The following GSG1L variants were observed in gnomAD, a reference collection of about 807,000 sequenced individuals.
The protein encoded by GSG1L is germ cell-specific gene 1-like protein.
GSG1L carries 24 observed loss-of-function variants against 42.1 expected under a neutral mutation model. That is an observed-to-expected ratio of 0.57 (90% CI 0.41 to 0.80). GSG1L has a LOEUF of 0.80. Ranked by LOEUF, GSG1L falls within the 30% of genes least tolerant of loss-of-function variation. The probability of loss-of-function intolerance (pLI) is 0.00; values close to 1 mark genes in which losing one functional copy is unlikely to be tolerated. For synonymous variants in GSG1L, 215 were observed against 203.5 expected (o/e 1.06, Z -0.48); for missense variants, 445 against 472.2 (o/e 0.94, Z 0.53).
At chr16:27,937,649 T>C (rs2084733817) in intron 2 of GSG1L, among the ~76,000 whole-genome samples, 1 of 152,330 alleles carries the variant, frequency 6.6e-6, no homozygotes, top group South Asian at 2.1e-4. Context: ...GGGCGATGAC[T>C]GGGGAGCACT....
In GSG1L at chr16:27,925,397, GA is replaced by G. The variant is rs150220514; in HGVS notation, c.397+37758del. Among the ~76,000 whole-genome samples the G allele has an allele frequency of 8.1e-3, 1,231 of 152,288 alleles. 25 individuals carry two copies. Among genetic ancestry groups the G allele is most frequent in the African/African-American group, 0.028 (1,179 of 41,542 alleles). ...GGCTGTGGTGTCAGGTGGTGGGAGG[GA>G]GGAGGGGTGGAAGGCGAGGCTAGGT... On this transcript the variant is annotated intron_variant, in intron 2 of 6. Coordinates refer to ENST00000447459, the MANE Select transcript of GSG1L (RefSeq NM_001109763.2).
chr16:28,039,619 G>T (rs1461548793), intron 1 of GSG1L, among the ~76,000 whole-genome samples: 1 of 142,714 alleles, frequency 7.0e-6, no homozygotes, highest in Admixed American at 7.1e-5. Context: ...ACACACACAA[G>T]CAGACATGTA....
intron 2 of GSG1L, among the ~76,000 whole-genome samples, chr16:27,911,787 C>T (rs1027883492): frequency 6.6e-6 from 1 of 152,296 alleles, no homozygotes; most frequent in Middle Eastern, 3.4e-3. Flanking sequence ...AATGTAAACG[C>T]TCTCTCACTC....
At chr16:27,844,242 T>C (rs1337176765) in intron 4 of GSG1L, among the ~76,000 whole-genome samples, 1 of 152,202 alleles carries the variant, frequency 6.6e-6, no homozygotes, top group East Asian at 1.9e-4. Flanking sequence ...GAACACCCCT[T>C]GTTCACTTAC....
At chr16:27,832,214 T>C (rs558687974) in intron 4 of GSG1L, among the ~76,000 whole-genome samples, 2 of 152,220 alleles carry the variant, frequency 1.3e-5, no homozygotes, top group African/African-American at 2.4e-5. Flanking sequence ...AGAAATGATA[T>C]AGAGAGAGAA....
At chr16:27,889,888 C>G (rs1055375200) in intron 2 of GSG1L, among the ~76,000 whole-genome samples, 1 of 152,144 alleles carries the variant, frequency 6.6e-6, no homozygotes, top group Non-Finnish European at 1.5e-5. Context: ...ATTATATCCC[C>G]GAATCTTCCT....
intron 4 of GSG1L, among the ~76,000 whole-genome samples, chr16:27,835,662 G>A (rs1429610517): frequency 1.3e-5 from 2 of 151,740 alleles, no homozygotes; most frequent in Non-Finnish European, 2.9e-5. Context: ...TATTTTGAGG[G>A]TATCTCTGTA....
intron 1 of GSG1L, among the ~76,000 whole-genome samples, chr16:27,996,498 T>A (rs1256043621): frequency 8.8e-6 from 1 of 113,642 alleles, no homozygotes; most frequent in Non-Finnish European, 1.9e-5. Context: ...CCCATTAAAA[T>A]GAACAAGGCT....
chr16:27,870,310 C>T (rs1158748674), intron 3 of GSG1L, among the ~76,000 whole-genome samples: 1 of 145,488 alleles, frequency 6.9e-6, no homozygotes, highest in Admixed American at 6.8e-5. Context: ...TCTCTCTCTC[C>T]TCTCTCTCTG....
At chr16:27,826,397 C>T (rs1025498201) in intron 5 of GSG1L, among the ~76,000 whole-genome samples, 1 of 152,214 alleles carries the variant, frequency 6.6e-6, no homozygotes, top group Non-Finnish European at 1.5e-5. Context: ...TCCTCGTCCT[C>T]GTCCTCTGCT....
intron 1 of GSG1L, among the ~76,000 whole-genome samples, chr16:27,987,717 G>A (rs1160337351): frequency 3.3e-5 from 5 of 152,170 alleles, no homozygotes; most frequent in Non-Finnish European, 1.5e-5. Context: ...GGGAGGCCGA[G>A]GCGGGCGGAT....
intron 4 of GSG1L, among the ~76,000 whole-genome samples, chr16:27,840,555 T>C (rs1645349): frequency 0.17 from 25,406 of 152,154 alleles, 2,383 homozygotes; most frequent in Admixed American, 0.3. Context: ...GAGCAAACTC[T>C]GTGCTGAGTG....
At chr16:28,046,334 G>T in intron 1 of GSG1L, among the ~76,000 whole-genome samples, 1 of 135,560 alleles carries the variant, frequency 7.4e-6, no homozygotes. Context: ...TGAGGAGGAA[G>T]TCCACTCTTT....
intron 3 of GSG1L, among the ~76,000 whole-genome samples, chr16:27,876,645 A>G (rs1426146214): frequency 1.3e-5 from 2 of 152,156 alleles, no homozygotes; most frequent in Non-Finnish European, 2.9e-5. Context: ...CTAGTTCCCG[A>G]GGATGTGAGT....
intron 1 of GSG1L, among the ~76,000 whole-genome samples, chr16:28,026,110 G>A (rs896497237): frequency 2.0e-5 from 3 of 152,164 alleles, no homozygotes; most frequent in African/African-American, 4.8e-5. Flanking sequence ...TCCTCGGCCC[G>A]GGTTTGCCAG....
rs76801400 is a variant in GSG1L, at chr16:28,025,684, G to A, written c.349+37392C>T. 9.6e-3 allele frequency among the ~76,000 whole-genome samples: 1,459 copies of A among 152,304 alleles called. 25 individuals carry two copies. Among genetic ancestry groups the A allele is most frequent in the African/African-American group, 0.033 (1,374 of 41,550 alleles). ...ACGAATAAATGAGCAAGAGAGAGCCGGGCCTTTGCCTGGGACCCTGTGAAA... is the reference window on the plus strand; with the variant it reads ...ACGAATAAATGAGCAAGAGAGAGCCAGGCCTTTGCCTGGGACCCTGTGAAA... On this transcript the variant is annotated intron_variant, in intron 1 of 6. Transcript: ENST00000447459.
At chr16:27,796,172 C>T (rs1554089) in intron 6 of GSG1L, among the ~76,000 whole-genome samples, 21,488 of 152,146 alleles carry the variant, frequency 0.14, 1,782 homozygotes, top group Non-Finnish European at 0.19. Context: ...AAGTTCCTTC[C>T]GGCCAATCAC....
chr16:28,003,873 A>C (rs961398639), intron 1 of GSG1L, among the ~76,000 whole-genome samples: 2 of 152,222 alleles, frequency 1.3e-5, no homozygotes, highest in South Asian at 4.1e-4. Context: ...ACAAAGGGAA[A>C]AAGTCAAACC....
chr16:27,998,009 G>A (rs1007722437), intron 1 of GSG1L, among the ~76,000 whole-genome samples: 5 of 151,894 alleles, frequency 3.3e-5, no homozygotes, highest in South Asian at 2.1e-4. Flanking sequence ...ACAGGCATGC[G>A]CCACCACTCC....
Sources: gnomAD v4.1 joint callset for allele counts (sites outside exome capture counted in the v4.1 genomes callset) on GRCh38, gnomAD v4.1.1 for gene constraint, MANE v1.5 for transcripts, NCBI Gene and HGNC (gene_info 2026-07-23, HGNC 2026-07-21) for gene names.